GRAMD4: variants seen among roughly 807,000 people sequenced by gnomAD.
GRAMD4 encodes GRAM domain containing 4.
In GRAMD4, 25 loss-of-function variants were observed where a neutral mutation model predicts 83.9. That is an observed-to-expected ratio of 0.30 (90% CI 0.22 to 0.42). The LOEUF (loss-of-function observed/expected upper bound fraction) is 0.42, where lower values mean the gene tolerates loss of function less well. Ranked by LOEUF, GRAMD4 falls within the 10% of genes least tolerant of loss-of-function variation. The probability of loss-of-function intolerance (pLI) is 1.00; values close to 1 mark genes in which losing one functional copy is unlikely to be tolerated. For missense variants in GRAMD4, 593 were observed against 788.7 expected (o/e 0.75, Z 2.97); for synonymous variants, 336 against 320.9 (o/e 1.05, Z -0.50).
chr22:46,640,758 C>A (rs1372049164), intron 3 of GRAMD4, among the ~76,000 whole-genome samples: 1 of 152,162 alleles, frequency 6.6e-6, no homozygotes, highest in Non-Finnish European at 1.5e-5. Context: ...AGATTCCCAG[C>A]AAGATTCCGG....
chr22:46,618,187 G>A (rs1029023202), upstream of GRAMD4, among the ~76,000 whole-genome samples: 1 of 152,148 alleles, frequency 6.6e-6, no homozygotes, highest in Non-Finnish European at 1.5e-5. This position sits in a 1 kb window ranked among gnomAD's most constrained non-coding sequence, Gnocchi z 5.8. Flanking sequence ...TGCAGAGGGA[G>A]ACTCGGGTGC....
chr22:46,604,560 C>T (rs1181482099), intron 1 of GRAMD4, among the ~76,000 whole-genome samples: 1 of 152,228 alleles, frequency 6.6e-6, no homozygotes, highest in East Asian at 1.9e-4. Flanking sequence ...TCCAGAGCCT[C>T]TCCCCACCCC....
At chr22:46,601,259 G>A (rs1428242588) in intron 1 of GRAMD4, among the ~76,000 whole-genome samples, 7 of 152,102 alleles carry the variant, frequency 4.6e-5, no homozygotes, top group African/African-American at 9.6e-5. Flanking sequence ...GTGACCCGTC[G>A]GCCGCCGGGT....
chr22:46,582,155 C>T (rs1005785723), intron 1 of GRAMD4, among the ~76,000 whole-genome samples: 1 of 152,058 alleles, frequency 6.6e-6, no homozygotes, highest in African/African-American at 2.4e-5. Flanking sequence ...GAGTCACTGC[C>T]CTCTGTGAAG....
rs2081560993 is a variant in GRAMD4 at position 46,620,671 on chromosome 22, C to T, written c.-50+106C>T. ...CTCTCTGGGGCAGTGGTCCCAGCTA[C>T]CACGTGCTCTTCTGGAGCCATCTTG... On this transcript the variant is annotated intron_variant, in intron 1 of 18. Coordinates refer to ENST00000406902, the MANE Select transcript of GRAMD4 (RefSeq NM_015124.5). This position sits in a 1 kb window ranked among gnomAD's most constrained non-coding sequence, Gnocchi z 4.7. The T allele has an allele frequency of 3.6e-6, 1 of 276,122 alleles. No individual in the cohort carries two copies. The highest frequency in any genetic ancestry group is 1.3e-4 in the South Asian group (1 of 7,418). The allele number at this position is 276,122 out of a possible 1,614,324, so 17.1% of individuals were successfully genotyped here. A position where few individuals can be genotyped will look rare whatever the true frequency, so the allele number is the denominator to read the frequency against.
chr22:46,647,785 C>G (rs145741939), intron 3 of GRAMD4, among the ~76,000 whole-genome samples: 452 of 152,374 alleles, frequency 3.0e-3, no homozygotes, highest in African/African-American at 0.011. Flanking sequence ...GTGAGACATT[C>G]CCCAGGCCAG....
chr22:46,664,257 C>G, intron 8 of GRAMD4, 140 bp downstream of exon 8: 1 of 686,066 alleles, frequency 1.5e-6, no homozygotes, highest in Non-Finnish European at 2.6e-6. Flanking sequence ...CTCATTTCTC[C>G]TTCTGTAAAG....
In GRAMD4 at chr22:46,672,032, G is replaced by A. The variant is rs1202578832; in HGVS notation, c.1085-811G>A. 2.6e-5 allele frequency among the ~76,000 whole-genome samples: 4 copies of A among 152,236 alleles called. No individual in the cohort carries two copies. Among genetic ancestry groups the A allele is most frequent in the Admixed American group, 2.0e-4 (3 of 15,292 alleles). On this transcript the variant is annotated intron_variant, in intron 13 of 18. Coordinates refer to ENST00000406902, the MANE Select transcript of GRAMD4 (RefSeq NM_015124.5). The surrounding 1 kb of genome is among the most constrained non-coding windows in gnomAD (Gnocchi z 4.7). ...CCTGCCACGTCTGGTCTGGTCTGGC[G>A]GGCTGTGCACTGGGGGCAGCGAGAC...
In GRAMD4 at chr22:46,626,434, C is replaced by T. The variant is rs539448361; in HGVS notation, c.-49-317C>T. On this transcript the variant is annotated intron_variant, in intron 1 of 18. Transcript: ENST00000406902. ...TCTGCCTGCTGGGAGCCGGGGGCCT[C>T]GCTTGGTGGGAGGCAAGGACGCAGC... 1.8e-4 allele frequency among the ~76,000 whole-genome samples: 27 copies of T among 152,350 alleles called. 1 individual carries two copies. The South Asian group carries it at 4.4e-3, about 25-fold the overall frequency.
intron 6 of GRAMD4, among the ~76,000 whole-genome samples, chr22:46,663,518 C>A (rs2082362128): frequency 6.6e-6 from 1 of 152,194 alleles, no homozygotes; most frequent in Non-Finnish European, 1.5e-5. Context: ...GCCATAGGCC[C>A]TGGGGGTCCC....
upstream of GRAMD4, among the ~76,000 whole-genome samples, chr22:46,576,609 C>G (rs1041286552): frequency 3.9e-5 from 6 of 152,306 alleles, no homozygotes; most frequent in African/African-American, 1.4e-4. Flanking sequence ...TGCTGCGTCC[C>G]GTACAGCGCG....
intron 1 of GRAMD4, among the ~76,000 whole-genome samples, chr22:46,588,469 T>C (rs1457844557): frequency 6.6e-6 from 1 of 152,178 alleles, no homozygotes; most frequent in East Asian, 1.9e-4. Flanking sequence ...TTCATATTGG[T>C]ATCTGCGGAG....
chr22:46,617,979 A>G (rs1569264125), upstream of GRAMD4, among the ~76,000 whole-genome samples: 1 of 152,178 alleles, frequency 6.6e-6, no homozygotes, highest in Non-Finnish European at 1.5e-5. Flanking sequence ...GGCAGGGCCC[A>G]AGGCAGAGTC....
intron 14 of GRAMD4, among the ~76,000 whole-genome samples, 180 bp downstream of exon 14, chr22:46,673,177 T>C (rs1293444865): frequency 6.6e-6 from 1 of 152,024 alleles, no homozygotes; most frequent in East Asian, 1.9e-4. Context: ...CTGAGGCTCA[T>C]CCAGCCCCTC....
At chr22:46,614,428 A>G (rs1009652070) in intron 1 of GRAMD4, among the ~76,000 whole-genome samples, 4 of 152,384 alleles carry the variant, frequency 2.6e-5, no homozygotes, top group African/African-American at 4.8e-5. Context: ...CCTTGTGAAA[A>G]TATTCTGCCA....
At chr22:46,643,668 T>C (rs1392713506) in intron 3 of GRAMD4, among the ~76,000 whole-genome samples, 3 of 152,208 alleles carry the variant, frequency 2.0e-5, no homozygotes, top group Admixed American at 1.3e-4. Flanking sequence ...TTTCCTGATA[T>C]TGACGTTTTT....
intron 2 of GRAMD4, among the ~76,000 whole-genome samples, chr22:46,632,842 C>T (rs60106872): frequency 1.0e-3 from 156 of 152,318 alleles, no homozygotes; most frequent in African/African-American, 3.7e-3. Flanking sequence ...CCGGGTCACC[C>T]GCACGACGCT....
At chr22:46,626,289 T>C (rs2081657860) in intron 1 of GRAMD4, among the ~76,000 whole-genome samples, 1 of 152,234 alleles carries the variant, frequency 6.6e-6, no homozygotes, top group Non-Finnish European at 1.5e-5. Context: ...GACCACGTTC[T>C]TGACGGTTTG....
Position 46,620,429 on chromosome 22 carries a change from C to T in GRAMD4, c.-186C>T. 1.0e-6 allele frequency: 1 copy of T among 985,346 alleles called. No individual in the cohort carries two copies. Among genetic ancestry groups the T allele is most frequent in the Non-Finnish European group, 1.2e-6 (1 of 829,896 alleles). 61.0% of individuals were successfully genotyped at this position (985,346 alleles called of 1,614,324 possible). On this transcript the variant is annotated 5_prime_UTR_variant, in exon 1 of 19. Transcript: ENST00000406902. The surrounding 1 kb of genome is among the most constrained non-coding windows in gnomAD (Gnocchi z 4.7). ...CCAGGCTCCAGGGCAGCAGACACCA[C>T]CCTCTCCGTGCCTGCTGGTGTTGGG... is the stretch of plus-strand genomic sequence containing the variant.
Sources: gnomAD v4.1 joint callset for allele counts (sites outside exome capture counted in the v4.1 genomes callset) on GRCh38, gnomAD v4.1.1 for gene constraint, Gnocchi (gnomAD v3.1) non-coding constraint, MANE v1.5 for transcripts, NCBI Gene and HGNC (gene_info 2026-07-23, HGNC 2026-07-21) for gene names.